PADI2: variants seen among roughly 807,000 people sequenced by gnomAD.
PADI2 encodes peptidyl arginine deiminase 2.
In PADI2, 70 loss-of-function variants were observed where a neutral mutation model predicts 81.1. The observed-to-expected ratio is 0.86, with a 90% CI of 0.71 to 1.05. The LOEUF (loss-of-function observed/expected upper bound fraction) is 1.05, where lower values mean the gene tolerates loss of function less well. Among genes scored for constraint, PADI2 ranks in the 50% least tolerant of loss-of-function variants. The probability of loss-of-function intolerance (pLI) is 0.00; values close to 1 mark genes in which losing one functional copy is unlikely to be tolerated. For synonymous variants in PADI2, 338 were observed against 358.0 expected (o/e 0.94, Z 0.63); for missense variants, 853 against 889.9 (o/e 0.96, Z 0.53).
intron 4 of PADI2, 67 bp from the exon 5 acceptor site, chr1:17,093,751 G>A: frequency 1.1e-6 from 1 of 945,320 alleles, no homozygotes. Context: ...TGGGACACTG[G>A]AGAGATAGCC....
intron 2 of PADI2, 97 bp from the exon 3 acceptor site, chr1:17,103,156 C>T: frequency 1.2e-6 from 1 of 836,320 alleles, no homozygotes; most frequent in Non-Finnish European, 2.0e-6. Flanking sequence ...TCCCTCACAG[C>T]TTGTCAAGCC....
chr1:17,073,278 G>A (rs1177528950), intron 13 of PADI2, among the ~76,000 whole-genome samples: 8 of 152,004 alleles, frequency 5.3e-5, no homozygotes, highest in African/African-American at 1.5e-4. Context: ...TTAGCCGGGC[G>A]TGGTGGCGGG....
In PADI2 at chr1:17,092,399, A is replaced by G. The variant is rs2273111; in HGVS notation, c.655+9T>C. 955,603 of 1,594,016 alleles carry G rather than the reference A, an allele frequency of 0.6. 290,288 individuals are homozygous for G. The highest frequency in any genetic ancestry group is 0.64 in the Middle Eastern group (3,845 of 5,972). ...AAGGTCTAGGCTGGACTGGGCTGGG[A>G]TCACTCACTCTCCACGTAGAACACG... On this transcript the variant is annotated intron_variant, in intron 6 of 15. Coordinates refer to ENST00000375486, the MANE Select transcript of PADI2 (RefSeq NM_007365.3).
intron 3 of PADI2, among the ~76,000 whole-genome samples, chr1:17,096,450 G>A (rs1168841603): frequency 2.0e-5 from 3 of 152,254 alleles, no homozygotes; most frequent in African/African-American, 7.2e-5. Context: ...GCATAGGTGT[G>A]CACATGTGCA....
At chr1:17,118,789 G>A (rs2647174) in intron 1 of PADI2, among the ~76,000 whole-genome samples, 8,093 of 152,188 alleles carry the variant, frequency 0.053, 709 homozygotes, top group African/African-American at 0.18. Context: ...CTCCAGGGCC[G>A]GATTCAGCCT....
At position 17,103,023 on chromosome 1, in the gene PADI2, G is replaced by C; in HGVS notation, c.313C>G (p.Pro105Ala). Residue 105 changes from proline to alanine, a missense_variant, in exon 3 of 16, where the codon CCC (proline) becomes GCC (alanine). Physicochemically the swap from Pro to Ala is conservative, Grantham distance 27 (BLOSUM62 -1). Coordinates refer to ENST00000375486, the MANE Select transcript of PADI2 (RefSeq NM_007365.3). Reference protein sequence around the residue: ...VNYYDEEGSIPIDQAGLFLTA... With the variant: ...VNYYDEEGSIAIDQAGLFLTA... ...AGGAAGAGCCCCGCCTGGTCGATGG[G>C]AATGCTCCCTTCCTCGTCATAGTAG... 1 of 1,613,672 alleles carries C rather than the reference G, an allele frequency of 6.2e-7. No homozygotes were observed. Among genetic ancestry groups the C allele is most frequent in the Middle Eastern group, 1.7e-4 (1 of 6,058 alleles).
At position 17,115,153 on chromosome 1, in the gene PADI2, A is replaced by G. The variant is rs1170339033; in HGVS notation, c.92+4127T>C. 6.6e-6 allele frequency among the ~76,000 whole-genome samples: 1 copy of G among 152,334 alleles called. No homozygotes were observed. The highest frequency in any genetic ancestry group is 2.1e-4 in the South Asian group (1 of 4,822). ...AGCGCCTGCCTGATACCTTCTTCCT[A>G]TCTTCTGCCAGCGAGTTATGGGCAA... is the stretch of plus-strand genomic sequence containing the variant. On this transcript the variant is annotated intron_variant, in intron 1 of 15. Transcript: ENST00000375486. The surrounding 1 kb of genome is among the most constrained non-coding windows in gnomAD (Gnocchi z 4.1).
chr1:17,069,332 C>CA, intron 15 of PADI2, 55 bp from the exon 16 acceptor site: 2 of 1,327,234 alleles, frequency 1.5e-6, no homozygotes, highest in Non-Finnish European at 2.2e-6. Context: ...ACCTAGTACA[C>CA]ACATGCCTAT....
At chr1:17,095,863 C>A (rs758371281) in intron 4 of PADI2, 46 bp downstream of exon 4, 1 of 1,512,478 alleles carries the variant, frequency 6.6e-7, no homozygotes, top group Admixed American at 1.8e-5. Context: ...GCTGTGCCCT[C>A]GGAAGCCCTG....
chr1:17,073,224 C>T (rs538466183), intron 13 of PADI2, among the ~76,000 whole-genome samples: 13 of 152,092 alleles, frequency 8.5e-5, no homozygotes, highest in East Asian at 5.8e-4. Context: ...GAGACCATCC[C>T]GGCTAACATG....
chr1:17,119,362 C>G lies in PADI2; in HGVS notation c.10G>C (p.Glu4Gln). Residue 4 changes from glutamate to glutamine, a missense_variant, in exon 1 of 16, where the codon GAG (glutamate) becomes CAG (glutamine). Coordinates refer to ENST00000375486, the MANE Select transcript of PADI2 (RefSeq NM_007365.3). This position sits in a 1 kb window ranked among gnomAD's most constrained non-coding sequence, Gnocchi z 4.8. ...CCGTACTGCAGCCGCACGGTCCGCT[C>G]GCGCAGCATCCTCCCCGCCGCAGTG... MLR[E>Q]RTVRLQYGSR... The G allele has an allele frequency of 6.5e-7, 1 of 1,534,542 alleles. No individual in the cohort carries two copies. Among genetic ancestry groups the G allele is most frequent in the Non-Finnish European group, 8.8e-7 (1 of 1,140,804 alleles).
intron 6 of PADI2, among the ~76,000 whole-genome samples, chr1:17,091,607 A>G (rs1270900654): frequency 6.6e-6 from 1 of 151,786 alleles, no homozygotes; most frequent in African/African-American, 2.4e-5. Context: ...TCTGCTTAGA[A>G]CACTCTTCCC....
At chr1:17,073,979 A>G (rs1417148400) in intron 13 of PADI2, among the ~76,000 whole-genome samples, 1 of 152,232 alleles carries the variant, frequency 6.6e-6, no homozygotes. Flanking sequence ...TTTGCCCACT[A>G]AAGTCCACTT....
chr1:17,098,761 C>A (rs776908325), intron 3 of PADI2, among the ~76,000 whole-genome samples: 6 of 152,224 alleles, frequency 3.9e-5, no homozygotes, highest in Non-Finnish European at 7.3e-5. Context: ...CCCCTTCACC[C>A]TCAGAGACCG....
At chr1:17,104,108 C>A (rs1476555049) in intron 2 of PADI2, among the ~76,000 whole-genome samples, 1 of 147,288 alleles carries the variant, frequency 6.8e-6, no homozygotes, top group South Asian at 2.2e-4. Flanking sequence ...CGGTGAAACC[C>A]CATCTCTACT....
intron 1 of PADI2, among the ~76,000 whole-genome samples, chr1:17,108,112 C>A (rs910776138): frequency 6.6e-6 from 1 of 152,048 alleles, no homozygotes; most frequent in Non-Finnish European, 1.5e-5. Context: ...CCATGCCCGG[C>A]TAATTTTTGT....
At chr1:17,109,451 C>T (rs924374454) in intron 1 of PADI2, among the ~76,000 whole-genome samples, 2 of 150,980 alleles carry the variant, frequency 1.3e-5, no homozygotes, top group African/African-American at 2.4e-5. Flanking sequence ...CTGCCACTCC[C>T]CTCCCCACCT....
chr1:17,096,003 C>T (rs1420426234), intron 3 of PADI2, 33 bp from the exon 4 acceptor site: 3 of 1,577,238 alleles, frequency 1.9e-6, no homozygotes, highest in South Asian at 2.3e-5. Flanking sequence ...AGTTGCTGAG[C>T]CTGCCAGGCA....
intron 10 of PADI2, among the ~76,000 whole-genome samples, chr1:17,081,805 C>T (rs998174595): frequency 6.6e-6 from 1 of 152,046 alleles, no homozygotes; most frequent in Non-Finnish European, 1.5e-5. Flanking sequence ...AACAAACAAA[C>T]AAACAAACAA....
Sources: gnomAD v4.1 joint callset for allele counts (sites outside exome capture counted in the v4.1 genomes callset) on GRCh38, gnomAD v4.1.1 for gene constraint, Gnocchi (gnomAD v3.1) non-coding constraint, MANE v1.5 for transcripts, NCBI Gene and HGNC (gene_info 2026-07-23, HGNC 2026-07-21) for gene names.